Variants in FAM193A observed in about 807,000 individuals in gnomAD.
FAM193A encodes the protein protein FAM193A.
In FAM193A, 22 loss-of-function variants were observed where a neutral mutation model predicts 126.5. The ratio of observed to expected loss-of-function variants is 0.17; its 90% CI spans 0.12 to 0.25. FAM193A has a LOEUF of 0.25. FAM193A is among the 10% of genes least tolerant of loss of function. The pLI, the probability that FAM193A is intolerant of heterozygous loss-of-function variation, is 1.00. For synonymous variants in FAM193A, 761 were observed against 646.8 expected (o/e 1.18, Z -2.68); for missense variants, 1,675 against 1,672.8 (o/e 1.00, Z -0.02).
intron 19 of FAM193A, among the ~76,000 whole-genome samples, chr4:2,710,181 T>G (rs1417272842): frequency 7.4e-6 from 1 of 134,562 alleles, no homozygotes; most frequent in South Asian, 2.3e-4. Context: ...TTTTTTCTTT[T>G]TTTTTTTTTT....
intron 7 of FAM193A, 28 bp from the exon 8 acceptor site, chr4:2,657,775 T>C: frequency 3.3e-6 from 5 of 1,532,394 alleles, no homozygotes; most frequent in Non-Finnish European, 4.4e-6. Context: ...TTTTTCTTTT[T>C]TTTCTGTTTT....
intron 13 of FAM193A, among the ~76,000 whole-genome samples, chr4:2,677,995 G>GTGTT (rs111313625): frequency 2.1e-4 from 32 of 151,866 alleles, no homozygotes; most frequent in South Asian, 8.3e-4. Flanking sequence ...TTTGTAGTGT[G>GTGTT]TGTTTGTTTG....
At chr4:2,703,336 C>T (rs1339483847) in intron 19 of FAM193A, among the ~76,000 whole-genome samples, 1 of 152,112 alleles carries the variant, frequency 6.6e-6, no homozygotes, top group Non-Finnish European at 1.5e-5. Flanking sequence ...ATCCTCCACC[C>T]CCCAGGTTGA....
intron 18 of FAM193A, among the ~76,000 whole-genome samples, chr4:2,698,410 G>A (rs71608225): frequency 9.9e-5 from 15 of 152,214 alleles, no homozygotes; most frequent in African/African-American, 2.7e-4. Flanking sequence ...ACACTGGACT[G>A]CAGGACCCAT....
intron 1 of FAM193A, among the ~76,000 whole-genome samples, chr4:2,563,826 A>C (rs1378813348): frequency 2.0e-5 from 3 of 152,228 alleles, no homozygotes; most frequent in Admixed American, 6.6e-5. Context: ...GAAGGAAAGT[A>C]TATAGAGCCT....
chr4:2,657,151 T>C (rs1001435423), intron 7 of FAM193A, among the ~76,000 whole-genome samples: 14 of 152,152 alleles, frequency 9.2e-5, no homozygotes, highest in South Asian at 2.1e-4. Context: ...TTGGGTGATA[T>C]AGCGAGACTC....
intron 1 of FAM193A, among the ~76,000 whole-genome samples, chr4:2,544,428 C>T (rs965140020): frequency 6.6e-5 from 10 of 152,076 alleles, no homozygotes; most frequent in African/African-American, 1.7e-4. Flanking sequence ...CCTGGCCAGG[C>T]GCTGTGGCTC....
chr4:2,689,789 T>G, intron 14 of FAM193A, 85 bp downstream of exon 14: 1 of 980,986 alleles, frequency 1.0e-6, no homozygotes, highest in Admixed American at 3.1e-5. Context: ...GTGGAAGCCC[T>G]GGCGCAGCTG....
chr4:2,721,914 C>T (rs1481182802), intron 20 of FAM193A, among the ~76,000 whole-genome samples: 4 of 152,168 alleles, frequency 2.6e-5, no homozygotes, highest in Admixed American at 6.5e-5. Flanking sequence ...AGACTGTCAC[C>T]TCATGGAGAA....
chr4:2,662,010 C>T (rs1712509610), intron 10 of FAM193A, among the ~76,000 whole-genome samples: 1 of 151,948 alleles, frequency 6.6e-6, no homozygotes. Context: ...AGTGAAACCC[C>T]ATCTCTACTA....
intron 19 of FAM193A, among the ~76,000 whole-genome samples, chr4:2,714,316 T>G (rs1240328857): frequency 1.3e-5 from 2 of 152,170 alleles, no homozygotes; most frequent in African/African-American, 4.8e-5. Flanking sequence ...CACCTCTCTG[T>G]ACAAACATGT....
In FAM193A at chr4:2,672,236, C is replaced by T. The variant is rs146511820; in HGVS notation, c.2195C>T (p.Pro732Leu). The change falls in exon 13 of 21, where the codon CCA (proline) becomes CTA (leucine). Residue 732 changes from proline (P) to leucine (L), a missense_variant. Around this residue, in one of 4 missense-constraint regions of FAM193A, gnomAD observed 1,186 missense variants for 1,109.2 expected, o/e 1.07. Transcript: ENST00000637812. ...CCTCCTGGCCATCAGTTCTTGAGCC[C>T]AGAGAAGCCCACACACCCTGCACTG... ...ALPPGHQFLSPEKPTHPALHL... is the reference protein window; with the variant it reads ...ALPPGHQFLSLEKPTHPALHL... 706 of 1,614,210 alleles carry T rather than the reference C, an allele frequency of 4.4e-4. 2 individuals are homozygous for T. In the African/African-American group the frequency reaches 8.2e-3, roughly 19 times the overall value.
chr4:2,631,188 T>TAAGAGAGAAAACG lies in FAM193A; in HGVS notation c.1038+19_1038+20insAAGAGAGAAAACG. ...CACTCTGGTAAGAGAGAAAACGTGT[T>TAAGAGAGAAAACG]TTTCTTTCTGTTTGGATGAGCTGAA... On this transcript the variant is annotated intron_variant, in intron 5 of 20. Transcript: ENST00000637812. The TAAGAGAGAAAACG allele has an allele frequency of 6.3e-7, 1 of 1,586,108 alleles. No individual in the cohort carries two copies. Among genetic ancestry groups the TAAGAGAGAAAACG allele is most frequent in the Non-Finnish European group, 8.6e-7 (1 of 1,163,356 alleles).
intron 20 of FAM193A, among the ~76,000 whole-genome samples, chr4:2,729,392 C>T (rs995126301): frequency 2.6e-5 from 4 of 152,162 alleles, no homozygotes; most frequent in African/African-American, 7.2e-5. Context: ...GGAGAAGGGA[C>T]GCGAGGCCCT....
chr4:2,568,604 G>A (rs894823993), intron 1 of FAM193A, among the ~76,000 whole-genome samples: 1 of 152,272 alleles, frequency 6.6e-6, no homozygotes, highest in Non-Finnish European at 1.5e-5. Context: ...AGCCAATTTC[G>A]TCTGATTTTC....
chr4:2,708,138 A>G (rs568552395), intron 19 of FAM193A: 39 of 447,874 alleles, frequency 8.7e-5, no homozygotes, highest in South Asian at 3.0e-4. Context: ...TTGTTTGTTT[A>G]TTTCGAGATG....
chr4:2,535,587 G>A (rs1230847470), upstream of FAM193A, among the ~76,000 whole-genome samples: 1 of 152,246 alleles, frequency 6.6e-6, no homozygotes, highest in Non-Finnish European at 1.5e-5. Context: ...CGTGGCCCGG[G>A]TCTCAGGGCA....
intron 13 of FAM193A, among the ~76,000 whole-genome samples, chr4:2,682,030 G>A (rs1715201292): frequency 7.0e-6 from 1 of 143,352 alleles, no homozygotes; most frequent in Non-Finnish European, 1.5e-5. Context: ...GGTCGCCCAG[G>A]CTGGAGTGCA....
intron 1 of FAM193A, among the ~76,000 whole-genome samples, chr4:2,575,389 C>G (rs144788303): frequency 6.6e-6 from 1 of 151,460 alleles, no homozygotes; most frequent in Non-Finnish European, 1.5e-5. Flanking sequence ...ATAGGGAAAT[C>G]GTTTTGAAGA....
Sources: allele counts gnomAD v4.1 joint callset (sites outside exome capture counted in the v4.1 genomes callset), GRCh38; gene constraint gnomAD v4.1.1; regional missense constraint gnomAD v4.1.1; transcripts MANE v1.5; gene names NCBI Gene and HGNC (gene_info 2026-07-23, HGNC 2026-07-21).